The following BTD variants were observed in gnomAD, a reference collection of about 807,000 sequenced individuals.
The protein encoded by BTD is biocytinase.
In BTD, 13 loss-of-function variants were observed where a neutral mutation model predicts 17.7. That is an observed-to-expected ratio of 0.74 (90% CI 0.48 to 1.17). The LOEUF is 1.17. Among genes scored for constraint, BTD ranks in the 50% most tolerant of loss-of-function variants. BTD has a pLI of 0.00. For synonymous variants in BTD, 240 were observed against 245.2 expected, an observed-to-expected ratio of 0.98 and a Z score of 0.20; for missense variants, 674 against 650.4, an observed-to-expected ratio of 1.04 and a Z score of -0.39.
At chr3:15,633,651 C>T (rs1481623368) in intron 1 of BTD, among the ~76,000 whole-genome samples, 2 of 152,152 alleles carry the variant, frequency 1.3e-5, no homozygotes, top group African/African-American at 4.8e-5. Flanking sequence ...TCACTTGCCC[C>T]CACTGGGGAC....
At chr3:15,615,213 A>G (rs2064758326) in intron 1 of BTD, among the ~76,000 whole-genome samples, 1 of 152,202 alleles carries the variant, frequency 6.6e-6, no homozygotes, top group East Asian at 1.9e-4. Flanking sequence ...ATTTCTTGGC[A>G]TAGAGTTACC....
chr3:15,642,612 G>A (rs1421280650), intron 3 of BTD, among the ~76,000 whole-genome samples: 1 of 151,566 alleles, frequency 6.6e-6, no homozygotes, highest in Non-Finnish European at 1.5e-5. Context: ...CCACCACCAC[G>A]CCCGGCTAAT....
At chr3:15,630,116 G>T in intron 1 of BTD, 1 of 983,626 alleles carries the variant, frequency 1.0e-6, no homozygotes, top group Non-Finnish European at 1.2e-6. Context: ...CATCGTGGGA[G>T]TGTGGTGAGT....
At chr3:15,630,371 C>T (rs760674000) in intron 1 of BTD, among the ~76,000 whole-genome samples, 3 of 152,152 alleles carry the variant, frequency 2.0e-5, no homozygotes, top group Non-Finnish European at 4.4e-5. Context: ...CAGTCTCAGC[C>T]GGGGTTCCTT....
At position 15,700,219 on chromosome 3, in the gene BTD, C is replaced by T. The variant is rs1019073309; in HGVS notation, c.400-9841C>T. Reference sequence around the variant, plus strand: ...ATGGAGGGGAACATTACACACACAACTCTCACTCTTAAGTGGAAGTTGAGC... The same window carrying T: ...ATGGAGGGGAACATTACACACACAATTCTCACTCTTAAGTGGAAGTTGAGC... On this transcript the variant is annotated intron_variant, in intron 3 of 3. Transcript: ENST00000672141. 4.5e-4 allele frequency among the ~76,000 whole-genome samples: 68 copies of T among 152,224 alleles called. 1 individual carries two copies. Among genetic ancestry groups the T allele is most frequent in the African/African-American group, 1.6e-3 (65 of 41,536 alleles).
upstream of BTD, chr3:15,601,740 C>A (rs930703346): frequency 6.3e-7 from 1 of 1,582,748 alleles, no homozygotes; most frequent in African/African-American, 1.3e-5. Context: ...GGAGGCGGGA[C>A]TAGCAGGAGA....
intron 1 of BTD, among the ~76,000 whole-genome samples, chr3:15,634,153 C>G (rs1018760322): frequency 6.6e-6 from 1 of 152,142 alleles, no homozygotes; most frequent in African/African-American, 2.4e-5. Context: ...ACGAAAAGAG[C>G]TATGGTTTGT....
rs1030030713 is a variant in BTD at position 15,647,490 on chromosome 3, A to C, written c.*2002A>C. On this transcript the variant is annotated 3_prime_UTR_variant, in exon 4 of 4. Coordinates refer to ENST00000643237, the MANE Select transcript of BTD (RefSeq NM_001370658.1). ...TTTCCCTGAGTTATTTTCTACCAAC[A>C]ATTTAGAATGAATTGCTCGTGAAGT... 1.3e-5 allele frequency: 2 copies of C among 152,190 alleles called. No homozygotes were observed. The highest frequency in any genetic ancestry group is 6.5e-5 in the Admixed American group (1 of 15,286). 9.4% of individuals were successfully genotyped at this position (152,190 alleles called of 1,614,324 possible).
chr3:15,629,487 C>T (rs141660345), intron 1 of BTD, among the ~76,000 whole-genome samples: 1 of 152,272 alleles, frequency 6.6e-6, no homozygotes, highest in East Asian at 1.9e-4. Flanking sequence ...GAAATTTCTG[C>T]TTATTTCCCC....
intron 3 of BTD, chr3:15,685,982 A>C (rs375572764): frequency 2.1e-5 from 33 of 1,595,654 alleles, no homozygotes; most frequent in Non-Finnish European, 2.6e-5. Flanking sequence ...TTTGAAAGGA[A>C]AGAGCATATT....
intron 3 of BTD, among the ~76,000 whole-genome samples, chr3:15,705,102 T>A (rs2071177586): frequency 6.6e-6 from 1 of 152,220 alleles, no homozygotes; most frequent in Admixed American, 6.5e-5. Flanking sequence ...ATCCCAAGTA[T>A]CAAGCCTGAT....
chr3:15,712,360 T>TA, exon 4 of BTD: 1 of 720,142 alleles, frequency 1.4e-6, no homozygotes, highest in Non-Finnish European at 2.3e-6. Flanking sequence ...GTAATTTGGT[T>TA]AAAGTTTGAT....
chr3:15,656,063 A>G (rs2125537015), downstream of BTD, among the ~76,000 whole-genome samples: 1 of 152,294 alleles, frequency 6.6e-6, no homozygotes, highest in Admixed American at 6.5e-5. Context: ...TCGGCCTCCC[A>G]AAGTGCTGGG....
At chr3:15,626,020 T>C (rs571760806) in intron 1 of BTD, among the ~76,000 whole-genome samples, 1 of 152,360 alleles carries the variant, frequency 6.6e-6, no homozygotes, top group South Asian at 2.1e-4. Flanking sequence ...GTTTCTTCTT[T>C]TATTTCAACT....
At chr3:15,625,680 C>T (rs1574998708) in intron 1 of BTD, among the ~76,000 whole-genome samples, 1 of 152,270 alleles carries the variant, frequency 6.6e-6, no homozygotes, top group Middle Eastern at 3.4e-3. Context: ...CTCGGCCTCC[C>T]AAGTAGCTGG....
rs368511048 is a variant in BTD, at chr3:15,686,212, C to T, written c.400-23848C>T. On this transcript the variant is annotated intron_variant, in intron 3 of 3. Coordinates refer to the BTD transcript ENST00000672141. The stretch of plus-strand genomic sequence containing the variant: ...CTTCTGTGATGCAACAATTATTTAT[C>T]GAAACTTACTGTCCATTTCCATCTT... 17 of 1,589,718 alleles carry T rather than the reference C, an allele frequency of 1.1e-5. No homozygotes were observed. In the East Asian group the frequency reaches 1.8e-4, roughly 17 times the overall value.
chr3:15,679,686 C>A, intron 3 of BTD: 1 of 732,454 alleles, frequency 1.4e-6, no homozygotes, highest in Non-Finnish European at 2.2e-6. Flanking sequence ...TCCCAGATCC[C>A]CTCTCTGGAA....
Position 15,645,833 on chromosome 3 carries a change from G to A in BTD, c.*345G>A. On this transcript the variant is annotated 3_prime_UTR_variant, in exon 4 of 4. Coordinates refer to ENST00000643237, the MANE Select transcript of BTD (RefSeq NM_001370658.1). ...TTACACATCCACAAAGCAGTGGCTTGGGGTTTTTTTTTTTTTTTTTATCTT... is the reference window on the plus strand; with the variant it reads ...TTACACATCCACAAAGCAGTGGCTTAGGGTTTTTTTTTTTTTTTTTATCTT... 5.3e-6 allele frequency: 1 copy of A among 188,216 alleles called. No homozygotes were observed. Among genetic ancestry groups the A allele is most frequent in the Non-Finnish European group, 1.0e-5 (1 of 97,416 alleles). 11.7% of individuals were successfully genotyped at this position (188,216 alleles called of 1,614,324 possible).
chr3:15,643,492 C>A (rs2065593191), intron 3 of BTD, among the ~76,000 whole-genome samples: 1 of 151,846 alleles, frequency 6.6e-6, no homozygotes, highest in Non-Finnish European at 1.5e-5. Flanking sequence ...CAGAGCCAGA[C>A]CCTGCCTCAA....
Sources: allele counts gnomAD v4.1 joint callset (sites outside exome capture counted in the v4.1 genomes callset), GRCh38; gene constraint gnomAD v4.1.1; transcripts MANE v1.5; gene names NCBI Gene and HGNC (gene_info 2026-07-23, HGNC 2026-07-21).